TSPEAR: variants seen among roughly 807,000 people sequenced by gnomAD.
TSPEAR encodes thrombospondin-type laminin G domain and EAR repeat-containing protein.
In TSPEAR, 69 loss-of-function variants were observed where a neutral mutation model predicts 71.6. The observed-to-expected ratio is 0.96, with a 90% CI of 0.79 to 1.18. TSPEAR has a LOEUF of 1.18. Ranked by LOEUF, TSPEAR falls within the 50% of genes most tolerant of loss-of-function variation. TSPEAR has a pLI of 0.00. For synonymous variants in TSPEAR, 402 were observed against 387.2 expected (o/e 1.04, Z -0.45); for missense variants, 971 against 894.9 (o/e 1.09, Z -1.09).
chr21:44,666,617 G>A (rs781879082), intron 1 of TSPEAR: 10 of 1,614,046 alleles, frequency 6.2e-6, no homozygotes, highest in African/African-American at 1.3e-5. Context: ...CAATGGGCCT[G>A]CAGCTCACAG....
At chr21:44,590,429 A>T (rs1461380579) in intron 1 of TSPEAR, among the ~76,000 whole-genome samples, 1 of 152,028 alleles carries the variant, frequency 6.6e-6, no homozygotes, top group African/African-American at 2.4e-5. Context: ...GGACCCTGAA[A>T]GTCTAGGCGA....
chr21:44,549,080 A>C (rs1241057126), intron 2 of TSPEAR, among the ~76,000 whole-genome samples: 2 of 152,240 alleles, frequency 1.3e-5, no homozygotes, highest in African/African-American at 4.8e-5. Context: ...TTTTTGACGC[A>C]AATCCTGCCC....
rs587597005 is a variant in TSPEAR, at chr21:44,539,498, G to A, written c.304-5575C>T. 8.1e-6 allele frequency: 13 copies of A among 1,613,898 alleles called. No individual in the cohort carries two copies. The highest frequency in any genetic ancestry group is 1.7e-4 in the Middle Eastern group (1 of 6,060). On this transcript the variant is annotated intron_variant, in intron 2 of 11. Transcript: ENST00000323084. Reference sequence around the variant, plus strand: ...GCAGCAGGAGGTGGTGCAGCAAGCCGGCTGGCAGCTAGACTGCTGGCAGCA... The same window carrying A: ...GCAGCAGGAGGTGGTGCAGCAAGCCAGCTGGCAGCTAGACTGCTGGCAGCA...
chr21:44,550,458 C>G, intron 2 of TSPEAR: 1 of 708,172 alleles, frequency 1.4e-6, no homozygotes, highest in Non-Finnish European at 2.4e-6. Flanking sequence ...GACCAGCGAC[C>G]AGCGGAGGGT....
At position 44,710,595 on chromosome 21, in the gene TSPEAR, C is replaced by CAG. The variant is rs144090027; in HGVS notation, c.82+836_82+837dup. ...AGGATGCATGATTTGCAAACAAAAC[C>CAG]AGAAGCGCAAGCCATCTCCTCGCCT... On this transcript the variant is annotated intron_variant, in intron 1 of 11. Coordinates refer to ENST00000323084, the MANE Select transcript of TSPEAR (RefSeq NM_144991.3). The surrounding 1 kb of genome is among the most constrained non-coding windows in gnomAD (Gnocchi z 4.6). 0.012 allele frequency among the ~76,000 whole-genome samples: 1,761 copies of CAG among 152,266 alleles called. 34 individuals are homozygous for CAG. Among genetic ancestry groups the CAG allele is most frequent in the African/African-American group, 0.041 (1,706 of 41,538 alleles).
intron 2 of TSPEAR, chr21:44,540,266 T>A: frequency 6.7e-7 from 1 of 1,503,662 alleles, no homozygotes; most frequent in South Asian, 1.3e-5. Flanking sequence ...GGGCTCTGCT[T>A]TTATACCCCT....
chr21:44,624,558 C>T (rs1555933999), intron 1 of TSPEAR, among the ~76,000 whole-genome samples: 1 of 152,206 alleles, frequency 6.6e-6, no homozygotes, highest in African/African-American at 2.4e-5. Context: ...AGGCTACAGG[C>T]AGATCATATG....
At chr21:44,549,811 C>G (rs782629935) in intron 2 of TSPEAR, among the ~76,000 whole-genome samples, 2 of 152,258 alleles carry the variant, frequency 1.3e-5, no homozygotes, top group Non-Finnish European at 2.9e-5. Flanking sequence ...GGCCCTCCGC[C>G]CACCCAGCCC....
At chr21:44,649,830 C>T (rs955545225) in intron 1 of TSPEAR, among the ~76,000 whole-genome samples, 3 of 152,158 alleles carry the variant, frequency 2.0e-5, no homozygotes, top group Admixed American at 1.3e-4. Context: ...CAAGGAACCA[C>T]GATGAAAGAC....
chr21:44,701,654 C>A (rs1254450986), intron 1 of TSPEAR, among the ~76,000 whole-genome samples: 1 of 152,164 alleles, frequency 6.6e-6, no homozygotes, highest in South Asian at 2.1e-4. Context: ...CAGTTCACAG[C>A]GGGGTTCGTG....
intron 1 of TSPEAR, among the ~76,000 whole-genome samples, chr21:44,620,451 T>C (rs1344233022): frequency 3.3e-5 from 5 of 152,230 alleles, no homozygotes; most frequent in African/African-American, 1.2e-4. Context: ...GTTATCTAAT[T>C]TGTTGGGTAC....
intron 2 of TSPEAR, among the ~76,000 whole-genome samples, chr21:44,549,658 C>G (rs587723427): frequency 6.6e-6 from 1 of 152,236 alleles, no homozygotes; most frequent in South Asian, 2.1e-4. Context: ...GGAGTCTATT[C>G]TCAGATTTGC....
chr21:44,601,889 G>A, intron 1 of TSPEAR: 2 of 1,058,652 alleles, frequency 1.9e-6, no homozygotes, highest in Non-Finnish European at 2.7e-6. Flanking sequence ...CCTCCTAGAA[G>A]CAGCTCAGCT....
At chr21:44,515,148 A>C (rs1208790395) in intron 9 of TSPEAR, among the ~76,000 whole-genome samples, 1 of 152,126 alleles carries the variant, frequency 6.6e-6, no homozygotes, top group Non-Finnish European at 1.5e-5. Flanking sequence ...CAAAACTCAA[A>C]CCAAACAGTA....
rs1988178368 is a variant in TSPEAR, at chr21:44,710,735, G to A, written c.82+698C>T. Among the ~76,000 whole-genome samples the A allele has an allele frequency of 6.6e-6, 1 of 152,188 alleles. No homozygotes were observed. The highest frequency in any genetic ancestry group is 1.5e-5 in the Non-Finnish European group (1 of 68,030). Reference sequence around the variant, plus strand: ...GTGTTACTTTATTAAATTTTGGTTTGATAAGTAAAATCCCTCAGTAGAAAC... The same window carrying A: ...GTGTTACTTTATTAAATTTTGGTTTAATAAGTAAAATCCCTCAGTAGAAAC... On this transcript the variant is annotated intron_variant, in intron 1 of 11. Transcript: ENST00000323084. This position sits in a 1 kb window ranked among gnomAD's most constrained non-coding sequence, Gnocchi z 4.6.
chr21:44,554,258 G>A (rs9306106), intron 2 of TSPEAR, among the ~76,000 whole-genome samples: 1,780 of 152,336 alleles, frequency 0.012, 26 homozygotes, highest in African/African-American at 0.04. Flanking sequence ...GTGGCTGTCT[G>A]TAGACCAGGA....
intron 1 of TSPEAR, chr21:44,627,444 C>A (rs1982901190): frequency 1.9e-6 from 3 of 1,613,320 alleles, no homozygotes; most frequent in Non-Finnish European, 2.5e-6. Flanking sequence ...CTTACTGCAC[C>A]TCCTCCCCCT....
At chr21:44,643,438 T>TG (rs782129357) in intron 1 of TSPEAR, among the ~76,000 whole-genome samples, 1 of 152,194 alleles carries the variant, frequency 6.6e-6, no homozygotes, top group African/African-American at 2.4e-5. Context: ...GGTAACTACA[T>TG]GGGGTGATGG....
chr21:44,603,746 G>A (rs1368494329), intron 1 of TSPEAR, among the ~76,000 whole-genome samples: 1 of 152,206 alleles, frequency 6.6e-6, no homozygotes, highest in Non-Finnish European at 1.5e-5. Context: ...GGCTGAAACT[G>A]CCCTTTGTCA....
Sources: allele counts gnomAD v4.1 joint callset (sites outside exome capture counted in the v4.1 genomes callset), GRCh38; gene constraint gnomAD v4.1.1; non-coding constraint Gnocchi (gnomAD v3.1); transcripts MANE v1.5; gene names NCBI Gene and HGNC (gene_info 2026-07-23, HGNC 2026-07-21).